Variants in LINGO2 observed in about 807,000 individuals in gnomAD.
The protein encoded by LINGO2 is leucine rich repeat and Ig domain containing 2.
Under a neutral mutation model 30.6 loss-of-function variants are expected in LINGO2, and 14 were observed. The ratio of observed to expected loss-of-function variants is 0.46; its 90% CI spans 0.30 to 0.72. The LOEUF (loss-of-function observed/expected upper bound fraction) is 0.72. Ranked by LOEUF, LINGO2 falls within the 30% of genes least tolerant of loss-of-function variation. The probability of loss-of-function intolerance (pLI) is 0.07; values close to 1 mark genes in which losing one functional copy is unlikely to be tolerated. For synonymous variants in LINGO2, 317 were observed against 288.5 expected (o/e 1.10, Z -1.00); for missense variants, 729 against 751.7 (o/e 0.97, Z 0.35).
At chr9:29,131,752 A>G in the LINGO2 span, among the ~76,000 whole-genome samples, 1 of 152,034 alleles carries the variant, frequency 6.6e-6, no homozygotes, top group African/African-American at 2.4e-5. Context: ...TAAGCTATGA[A>G]GTTACCCAAA....
intron 2 of LINGO2, among the ~76,000 whole-genome samples, chr9:28,387,179 A>G (rs1467438162): frequency 6.6e-6 from 1 of 152,118 alleles, no homozygotes; most frequent in East Asian, 1.9e-4. Flanking sequence ...ACCAATCAGC[A>G]CCCTGTAAAA....
At chr9:28,046,695 C>T (rs1001309619) in intron 4 of LINGO2, among the ~76,000 whole-genome samples, 1 of 152,052 alleles carries the variant, frequency 6.6e-6, no homozygotes, top group Non-Finnish European at 1.5e-5. Flanking sequence ...TTTAACCACA[C>T]CTAAAGTTCC....
rs138638976 is a variant in LINGO2 at position 28,029,985 on chromosome 9, A to G, written c.-86-17580T>C. Among the ~76,000 whole-genome samples, 285 of 152,338 alleles carry G rather than the reference A, an allele frequency of 1.9e-3. 2 individuals are homozygous for G. The highest frequency in any genetic ancestry group is 0.014 in the Middle Eastern group (4 of 294). ...GTGAAGAGCGTAAGAAAATGAATCT[A>G]GAATCCCAGAAATCAGAGAAGGTGA... On this transcript the variant is annotated intron_variant, in intron 4 of 5. Coordinates refer to ENST00000379992, the Ensembl canonical transcript of LINGO2.
At chr9:28,918,878 A>G in the LINGO2 span, among the ~76,000 whole-genome samples, 1 of 152,186 alleles carries the variant, frequency 6.6e-6, no homozygotes, top group East Asian at 1.9e-4. Flanking sequence ...CATATTAGCA[A>G]AAACCCTATT....
chr9:29,169,787 G>A, the LINGO2 span, among the ~76,000 whole-genome samples: 7 of 152,100 alleles, frequency 4.6e-5, no homozygotes, highest in African/African-American at 7.2e-5. Flanking sequence ...AGATCACGAG[G>A]TCAGGGATGG....
chr9:28,866,940 CT>C, the LINGO2 span, among the ~76,000 whole-genome samples: 1 of 152,108 alleles, frequency 6.6e-6, no homozygotes, highest in African/African-American at 2.4e-5. Context: ...TAGATTCATC[CT>C]TATTTCTTAG....
chr9:28,791,885 T>C, the LINGO2 span, among the ~76,000 whole-genome samples: 380 of 151,802 alleles, frequency 2.5e-3, no homozygotes, highest in Non-Finnish European at 4.1e-3. Flanking sequence ...ATTATCTGAA[T>C]GAGTGACACT....
chr9:28,415,829 T>C (rs913944131), intron 2 of LINGO2, among the ~76,000 whole-genome samples: 5 of 152,152 alleles, frequency 3.3e-5, no homozygotes, highest in East Asian at 1.9e-4. Flanking sequence ...GGCTGGCACA[T>C]AGTAAGTGCT....
chr9:28,197,532 G>T (rs1222255260), intron 4 of LINGO2, among the ~76,000 whole-genome samples: 1 of 151,824 alleles, frequency 6.6e-6, no homozygotes, highest in African/African-American at 2.4e-5. Context: ...TAATAAAGTT[G>T]TATTTCTTCG....
the LINGO2 span, among the ~76,000 whole-genome samples, chr9:29,004,888 C>G: frequency 6.6e-6 from 1 of 151,924 alleles, no homozygotes; most frequent in Non-Finnish European, 1.5e-5. Flanking sequence ...TTTAATTAAT[C>G]TGTATGTGGT....
At chr9:28,370,717 G>GA (rs1820860976) in intron 3 of LINGO2, among the ~76,000 whole-genome samples, 1 of 152,098 alleles carries the variant, frequency 6.6e-6, no homozygotes, top group South Asian at 2.1e-4. Flanking sequence ...TATTCCAAAT[G>GA]AAAGACCTTC....
intron 1 of LINGO2, among the ~76,000 whole-genome samples, chr9:28,582,013 T>C (rs1015097974): frequency 6.6e-6 from 1 of 152,002 alleles, no homozygotes; most frequent in African/African-American, 2.4e-5. Flanking sequence ...TTCCAGACAC[T>C]CTATGTTTGT....
intron 4 of LINGO2, among the ~76,000 whole-genome samples, chr9:28,233,705 T>A (rs1477718946): frequency 1.3e-5 from 2 of 151,840 alleles, no homozygotes; most frequent in African/African-American, 2.4e-5. Flanking sequence ...GAGAGGAGAG[T>A]GAAGACAAAA....
intron 4 of LINGO2, among the ~76,000 whole-genome samples, chr9:28,029,759 TATAAA>T (rs1823574078): frequency 6.6e-6 from 1 of 152,174 alleles, no homozygotes; most frequent in African/African-American, 2.4e-5. Context: ...GCTGATATTA[TATAAA>T]ATAACATGTG....
At chr9:28,719,225 TTG>T in the LINGO2 span, among the ~76,000 whole-genome samples, 3 of 152,046 alleles carry the variant, frequency 2.0e-5, no homozygotes, top group Non-Finnish European at 4.4e-5. Context: ...TTCTACCCGT[TTG>T]TGTCTTTAAG....
intron 2 of LINGO2, among the ~76,000 whole-genome samples, chr9:28,437,187 C>T (rs118129318): frequency 6.6e-5 from 10 of 152,108 alleles, no homozygotes; most frequent in Admixed American, 6.5e-4. Context: ...GGGCTGGGGC[C>T]CAGATAAGAC....
At chr9:28,782,512 G>A in the LINGO2 span, among the ~76,000 whole-genome samples, 2 of 152,150 alleles carry the variant, frequency 1.3e-5, no homozygotes, top group Admixed American at 6.5e-5. Flanking sequence ...GAGGTTGTAC[G>A]TCAGTATGTG....
chr9:28,152,973 T>C (rs1828040413), intron 4 of LINGO2, among the ~76,000 whole-genome samples: 1 of 152,174 alleles, frequency 6.6e-6, no homozygotes, highest in African/African-American at 2.4e-5. Flanking sequence ...CCAGGACTAA[T>C]TGCTTGATAT....
chr9:28,937,529 T>C, the LINGO2 span, among the ~76,000 whole-genome samples: 1 of 152,174 alleles, frequency 6.6e-6, no homozygotes, highest in Non-Finnish European at 1.5e-5. Flanking sequence ...TTTGGCTTGA[T>C]GCTCTGCTTT....
Sources: gnomAD v4.1 joint callset for allele counts (sites outside exome capture counted in the v4.1 genomes callset) on GRCh38, gnomAD v4.1.1 for gene constraint, MANE v1.5 for transcripts, NCBI Gene and HGNC (gene_info 2026-07-23, HGNC 2026-07-21) for gene names.